Variants in MYO5C observed in about 807,000 individuals in gnomAD.
MYO5C encodes unconventional myosin-Vc.
In MYO5C, 194 loss-of-function variants were observed where a neutral mutation model predicts 235.7. The observed-to-expected ratio is 0.82, with a 90% CI of 0.73 to 0.93. The LOEUF (loss-of-function observed/expected upper bound fraction) is 0.93, where lower values mean the gene tolerates loss of function less well. MYO5C is among the 40% of genes least tolerant of loss of function. The pLI is 0.00. For synonymous variants in MYO5C, 707 were observed against 754.8 expected, an observed-to-expected ratio of 0.94 and a Z score of 1.04; for missense variants, 2,038 against 2,127.2, an observed-to-expected ratio of 0.96 and a Z score of 0.82.
At chr15:52,195,650 G>A (rs1201481705) in intron 39 of MYO5C, among the ~76,000 whole-genome samples, 193 bp from the exon 40 acceptor site, 14 of 152,060 alleles carry the variant, frequency 9.2e-5, no homozygotes, top group Admixed American at 9.2e-4. Flanking sequence ...GGGAGCAAAG[G>A]CAAATCAGAT....
chr15:52,283,916 C>A (rs2037210092), intron 1 of MYO5C, among the ~76,000 whole-genome samples: 1 of 151,976 alleles, frequency 6.6e-6, no homozygotes, highest in African/African-American at 2.4e-5. Flanking sequence ...CTCAGGCGAT[C>A]CACCTGCCTC....
At chr15:52,253,586 G>T in intron 11 of MYO5C, 129 bp from the exon 12 acceptor site, 1 of 886,268 alleles carries the variant, frequency 1.1e-6, no homozygotes, top group Non-Finnish European at 1.7e-6. Context: ...GAAGGACCCT[G>T]AAGTATAGAC....
chr15:52,253,189 A>G (rs1459915595), intron 12 of MYO5C, 128 bp downstream of exon 12: 7 of 972,636 alleles, frequency 7.2e-6, no homozygotes, highest in Non-Finnish European at 1.1e-5. Context: ...CTGTCCCAGC[A>G]TTAATATCCA....
At chr15:52,234,473 A>G (rs898563134) in intron 23 of MYO5C, among the ~76,000 whole-genome samples, 4 of 97,294 alleles carry the variant, frequency 4.1e-5, no homozygotes, top group Non-Finnish European at 8.3e-5. Context: ...GGGAAATTCT[A>G]TTTGAAGTTA....
At chr15:52,223,817 C>A in intron 28 of MYO5C, 93 bp from the exon 29 acceptor site, 1 of 1,151,664 alleles carries the variant, frequency 8.7e-7, no homozygotes, top group South Asian at 1.7e-5. Flanking sequence ...CAACAAGAGC[C>A]GTGCACGAAG....
chr15:52,271,793 G>A lies in MYO5C; in HGVS notation c.802C>T (p.Gln268Ter), dbSNP rs1471457496. The A allele has an allele frequency of 1.9e-6, 3 of 1,580,954 alleles. No individual in the cohort carries two copies. The highest frequency in any genetic ancestry group is 4.5e-5 in the East Asian group (2 of 43,988). The stretch of plus-strand genomic sequence containing the variant: ...TTAAGATGTTTAAATTCCGACTGCT[G>A]TGCAGATGCACAAAGCTGATAGAAA... Reference protein sequence around the residue: ...HIFYQLCASAQQSEFKHLKLG... With the variant: ...HIFYQLCASA Residue 268 changes from glutamine to a stop codon, truncating the protein, a stop_gained, in exon 7 of 41, where the codon CAG becomes TAG. Coordinates refer to ENST00000261839, the MANE Select transcript of MYO5C (RefSeq NM_018728.4). LOFTEE classifies it high-confidence loss of function.
At chr15:52,242,852 A>C (rs2036257627) in intron 19 of MYO5C, 1 of 152,254 alleles carries the variant, frequency 6.6e-6, no homozygotes, top group Non-Finnish European at 1.5e-5. Context: ...AAGGCTGGAA[A>C]AGGCTTTCAG....
rs1384898059 is a variant in MYO5C at position 52,211,823 on chromosome 15, G to A, written c.4203C>T (p.Phe1401=). 1.9e-6 allele frequency: 3 copies of A among 1,614,052 alleles called. No homozygotes were observed. The highest frequency in any genetic ancestry group is 2.5e-6 in the Non-Finnish European group (3 of 1,180,018). Residue 1401 remains phenylalanine, a synonymous_variant, in exon 35 of 41, where the codon TTC becomes TTT. Transcript: ENST00000261839. ...GAGAGTCTGCGTAGCGCACACACAT[G>A]AACAGGATATGAGCCGGCAGCCCGG... ...MIPGLPAHIL[F]MCVRYADSLN... is the part of the protein sequence containing the mutation.
chr15:52,245,882 A>G, intron 17 of MYO5C, 74 bp downstream of exon 17: 1 of 1,361,266 alleles, frequency 7.3e-7, no homozygotes, highest in Non-Finnish European at 1.0e-6. Flanking sequence ...AAATCATGGC[A>G]GCCATGTCCT....
chr15:52,218,792 G>A (rs369409086), intron 31 of MYO5C, 105 bp from the exon 32 acceptor site: 8 of 1,208,672 alleles, frequency 6.6e-6, no homozygotes, highest in African/African-American at 3.0e-5. Context: ...AGAACACCTT[G>A]GCCAATTTCT....
rs769199138 is a variant in MYO5C at position 52,275,570 on chromosome 15, T to A, written c.598A>T (p.Ile200Phe). 2 of 1,614,188 alleles carry A rather than the reference T, an allele frequency of 1.2e-6. No individual in the cohort carries two copies. Among genetic ancestry groups the A allele is most frequent in the East Asian group, 2.2e-5 (1 of 44,884 alleles). ...VEDKVLASNPITEAVGNAKTT... is the reference protein window; with the variant it reads ...VEDKVLASNPFTEAVGNAKTT... Reference sequence around the variant, plus strand: ...TCCGCAGTGGTACGCACCTCGGTGATGGGATTGGATGCCAGGACCTTGTCT... The same window carrying A: ...TCCGCAGTGGTACGCACCTCGGTGAAGGGATTGGATGCCAGGACCTTGTCT... The change falls in exon 5 of 41, where the codon ATC becomes TTC. Residue 200 changes from isoleucine (I) to phenylalanine (F), a missense_variant. Ile to Phe is a conservative substitution (Grantham distance 21). Coordinates refer to ENST00000261839, the MANE Select transcript of MYO5C (RefSeq NM_018728.4).
chr15:52,252,319 T>G (rs183453942), intron 12 of MYO5C, among the ~76,000 whole-genome samples: 1 of 152,268 alleles, frequency 6.6e-6, no homozygotes, highest in Admixed American at 6.5e-5. Flanking sequence ...TAGAGAGTCC[T>G]CCCCTTCCCC....
chr15:52,205,211 T>C, intron 37 of MYO5C, 64 bp from the exon 38 acceptor site: 1 of 1,556,628 alleles, frequency 6.4e-7, no homozygotes, highest in African/African-American at 1.4e-5. Flanking sequence ...TTCCCGACGC[T>C]CTTCGGTTTG....
rs180891574 is a variant in MYO5C, at chr15:52,235,147, T to C, written c.2962+523A>G. Among the ~76,000 whole-genome samples the C allele has an allele frequency of 1.5e-3, 236 of 152,290 alleles. 1 individual carries two copies. The highest frequency in any genetic ancestry group is 5.3e-3 in the African/African-American group (221 of 41,560). On this transcript the variant is annotated intron_variant, in intron 23 of 40. Transcript: ENST00000261839. The stretch of plus-strand genomic sequence containing the variant: ...TGGTTCCAGGGTCTGCCCTTCTTCA[T>C]TCAGGGCAGGACAGTAGCAGAGGAC...
At chr15:52,285,786 G>A (rs987649841) in intron 1 of MYO5C, among the ~76,000 whole-genome samples, 1 of 152,318 alleles carries the variant, frequency 6.6e-6, no homozygotes, top group African/African-American at 2.4e-5. Context: ...TGGTGCCCAG[G>A]CTGGAGTGCA....
At chr15:52,230,553 G>A (rs1228310151) in intron 24 of MYO5C, among the ~76,000 whole-genome samples, 2 of 148,702 alleles carry the variant, frequency 1.3e-5, no homozygotes, top group African/African-American at 2.5e-5. Context: ...GGATTATAAG[G>A]TGCCCAACAC....
chr15:52,246,062 T>C lies in MYO5C; in HGVS notation c.1980-20A>G, dbSNP rs1279663078. The C allele has an allele frequency of 6.2e-7, 1 of 1,605,956 alleles. No homozygotes were observed. The highest frequency in any genetic ancestry group is 1.1e-5 in the South Asian group (1 of 90,532). ...TCAAATCTTTAAAAAGACAATGATA[T>C]TATGTGTTGAGGCATCGTAATTGCT... On this transcript the variant is annotated intron_variant, in intron 16 of 40. Coordinates refer to ENST00000261839, the MANE Select transcript of MYO5C (RefSeq NM_018728.4).
At chr15:52,291,677 C>T (rs2037389575) in intron 1 of MYO5C, among the ~76,000 whole-genome samples, 1 of 150,396 alleles carries the variant, frequency 6.6e-6, no homozygotes, top group African/African-American at 2.4e-5. Flanking sequence ...GAAAGACCGT[C>T]CAATCTTTAG....
rs1368523428 is a variant in MYO5C, at chr15:52,261,146, GC to G, written c.1048-20del. ...CATCCTCCTTCAAAAACAAGCACAA[GC>G]CCCGTCAGGTGGCCCAGCCATCCAA... On this transcript the variant is annotated intron_variant, in intron 9 of 40. Transcript: ENST00000261839. 1 of 1,610,552 alleles carries G rather than the reference GC, an allele frequency of 6.2e-7. No homozygotes were observed.
Sources: allele counts gnomAD v4.1 joint callset (sites outside exome capture counted in the v4.1 genomes callset), GRCh38; gene constraint gnomAD v4.1.1; transcripts MANE v1.5; gene names NCBI Gene and HGNC (gene_info 2026-07-23, HGNC 2026-07-21).